Variants in LRRC3B observed in about 807,000 individuals in gnomAD.
The protein encoded by LRRC3B is leucine-rich repeat-containing protein 3B.
In LRRC3B, 2 loss-of-function variants were observed where a neutral mutation model predicts 12.8. The ratio of observed to expected loss-of-function variants is 0.16; its 90% CI spans 0.06 to 0.49. The LOEUF (loss-of-function observed/expected upper bound fraction) is 0.49, where lower values mean the gene tolerates loss of function less well. LRRC3B is among the 20% of genes least tolerant of loss of function. The probability of loss-of-function intolerance (pLI) is 0.96; values close to 1 mark genes in which losing one functional copy is unlikely to be tolerated. For synonymous variants in LRRC3B, 132 were observed against 122.0 expected (o/e 1.08, Z -0.54); for missense variants, 189 against 319.4 (o/e 0.59, Z 3.11).
intron 1 of LRRC3B, among the ~76,000 whole-genome samples, chr3:26,635,693 G>A (rs898400647): frequency 6.6e-6 from 1 of 152,220 alleles, no homozygotes; most frequent in Non-Finnish European, 1.5e-5. Context: ...GCTAAGACAA[G>A]AAACTAATGT....
intron 1 of LRRC3B, among the ~76,000 whole-genome samples, chr3:26,681,542 A>G (rs1432667563): frequency 1.3e-5 from 2 of 152,164 alleles, no homozygotes; most frequent in Non-Finnish European, 2.9e-5. Context: ...AGCTTCTCTG[A>G]GACTTGATTT....
chr3:26,646,470 C>G (rs1436249080), intron 1 of LRRC3B, among the ~76,000 whole-genome samples: 3 of 151,908 alleles, frequency 2.0e-5, no homozygotes, highest in African/African-American at 7.3e-5. Flanking sequence ...TATGTTTTAT[C>G]TTTCTTTTGC....
intron 1 of LRRC3B, among the ~76,000 whole-genome samples, chr3:26,651,438 G>T (rs1181072641): frequency 1.3e-5 from 2 of 152,146 alleles, no homozygotes; most frequent in African/African-American, 4.8e-5. Context: ...CACGTGGTGT[G>T]TACCTGTGTG....
At chr3:26,709,026 A>C (rs1700679922) in intron 1 of LRRC3B, among the ~76,000 whole-genome samples, 1 of 152,224 alleles carries the variant, frequency 6.6e-6, no homozygotes, top group African/African-American at 2.4e-5. Context: ...GTTTCTTTAG[A>C]GACAATATTC....
intron 1 of LRRC3B, among the ~76,000 whole-genome samples, chr3:26,636,937 T>A (rs1177712543): frequency 9.2e-6 from 1 of 108,162 alleles, no homozygotes; most frequent in Non-Finnish European, 1.8e-5. Context: ...TTTCTTTCTT[T>A]CTTTCTTTCT....
intron 1 of LRRC3B, among the ~76,000 whole-genome samples, chr3:26,676,285 C>T (rs1575151788): frequency 6.8e-6 from 1 of 146,020 alleles, no homozygotes; most frequent in South Asian, 2.2e-4. Context: ...TTCCTGTGTC[C>T]ATGTGTTCTC....
At chr3:26,700,554 G>C (rs1422803375) in intron 1 of LRRC3B, among the ~76,000 whole-genome samples, 3 of 152,102 alleles carry the variant, frequency 2.0e-5, no homozygotes, top group Non-Finnish European at 1.5e-5. Flanking sequence ...ATAATCAAAT[G>C]AAAGCATGCA....
chr3:26,701,061 T>C (rs1700441196), intron 1 of LRRC3B, among the ~76,000 whole-genome samples: 4 of 152,146 alleles, frequency 2.6e-5, no homozygotes. Context: ...TTGTACTTAC[T>C]CCTAGATAAT....
intron 1 of LRRC3B, among the ~76,000 whole-genome samples, chr3:26,702,858 G>C (rs1438168862): frequency 6.6e-6 from 1 of 152,110 alleles, no homozygotes. Context: ...CAAGAAATCG[G>C]GAGGGAAGAC....
intron 1 of LRRC3B, among the ~76,000 whole-genome samples, chr3:26,661,823 C>A (rs1316440332): frequency 1.3e-5 from 2 of 152,150 alleles, no homozygotes; most frequent in Non-Finnish European, 2.9e-5. Flanking sequence ...CACTGCTTTT[C>A]TGTATTTCTT....
chr3:26,646,598 TAAAAA>T (rs529066996), intron 1 of LRRC3B, among the ~76,000 whole-genome samples: 110 of 99,390 alleles, frequency 1.1e-3, no homozygotes, highest in East Asian at 6.5e-3. Context: ...GGATAGGAGG[TAAAAA>T]AAAAAAAAAA....
intron 1 of LRRC3B, among the ~76,000 whole-genome samples, chr3:26,643,785 G>A (rs1194644290): frequency 2.0e-5 from 3 of 152,302 alleles, no homozygotes; most frequent in Non-Finnish European, 4.4e-5. Context: ...ACTATATATA[G>A]CAGCTGCAAG....
intron 1 of LRRC3B, among the ~76,000 whole-genome samples, chr3:26,685,539 A>C (rs1328753845): frequency 0.011 from 1,322 of 124,412 alleles, 4 homozygotes; most frequent in Non-Finnish European, 0.016. Context: ...ATATATATAT[A>C]TATATATATA....
chr3:26,676,429 G>T (rs952316366), intron 1 of LRRC3B, among the ~76,000 whole-genome samples: 27 of 152,078 alleles, frequency 1.8e-4, no homozygotes, highest in South Asian at 8.3e-4. Context: ...ATTTTTTATG[G>T]CTGCATAGTA....
chr3:26,647,112 T>C (rs1450152367), intron 1 of LRRC3B, among the ~76,000 whole-genome samples: 1 of 152,130 alleles, frequency 6.6e-6, no homozygotes, highest in East Asian at 1.9e-4. Flanking sequence ...AACTTACACT[T>C]CCTTCTACTT....
At chr3:26,624,550 G>C (rs937121971) in intron 1 of LRRC3B, 3 of 152,826 alleles carry the variant, frequency 2.0e-5, no homozygotes, top group Admixed American at 6.5e-5. Flanking sequence ...CGGAGGCTGC[G>C]GTGGGAGCCA....
rs1413429080 is a variant in LRRC3B at position 26,693,338 on chromosome 3, A to T, written c.-160-16175A>T. On this transcript the variant is annotated intron_variant, in intron 1 of 1. Coordinates refer to ENST00000396641, the Ensembl canonical transcript of LRRC3B. ...AGCGAAACTCCGTCTCAAAAAAAAA[A>T]AAAAAAAAAAAAAAGATCAAGAGCA... Among the ~76,000 whole-genome samples, 5 of 73,428 alleles carry T rather than the reference A, an allele frequency of 6.8e-5. No homozygotes were observed. In the East Asian group the frequency reaches 3.4e-3, roughly 50 times the overall value. 48.2% of individuals were successfully genotyped at this position (73,428 alleles called of 152,430 possible). A position where few individuals can be genotyped will look rare whatever the true frequency, so the allele number is the denominator to read the frequency against.
intron 1 of LRRC3B, among the ~76,000 whole-genome samples, chr3:26,671,373 T>TATATATATATATAGAGAG (rs1261897533): frequency 3.5e-5 from 1 of 28,258 alleles, no homozygotes. Flanking sequence ...TATATATATA[T>TATATATATATATAGAGAG]AGAGAGAGAG....
intron 1 of LRRC3B, among the ~76,000 whole-genome samples, chr3:26,702,335 G>C (rs1700474523): frequency 6.6e-6 from 1 of 152,124 alleles, no homozygotes; most frequent in Admixed American, 6.5e-5. Flanking sequence ...TCATGCATCT[G>C]TCTGCCTTGT....
Sources: allele counts gnomAD v4.1 joint callset (sites outside exome capture counted in the v4.1 genomes callset), GRCh38; gene constraint gnomAD v4.1.1; transcripts MANE v1.5; gene names NCBI Gene and HGNC (gene_info 2026-07-23, HGNC 2026-07-21).